Variants in RTL4 observed in about 807,000 individuals in gnomAD.
RTL4 encodes the protein retrotransposon Gag like 4.
In RTL4, 4 loss-of-function variants were observed where a neutral mutation model predicts 5.3. That is an observed-to-expected ratio of 0.75 (90% CI 0.37 to 1.72). The LOEUF (loss-of-function observed/expected upper bound fraction) is 1.72. RTL4 is among the 40% of genes most tolerant of loss of function. The pLI, the probability that RTL4 is intolerant of heterozygous loss-of-function variation, is 0.04. For missense variants in RTL4, 260 were observed against 227.1 expected, an observed-to-expected ratio of 1.14 and a Z score of -0.93; for synonymous variants, 98 against 87.3, an observed-to-expected ratio of 1.12 and a Z score of -0.68.
At chrX:112,176,555 T>G in the RTL4 span, among the ~76,000 whole-genome samples, 1 of 111,228 alleles carries the variant, frequency 9.0e-6, no homozygotes, top group East Asian at 2.8e-4. Flanking sequence ...CTAGACTTCT[T>G]TTTTTAAATT....
At chrX:112,181,846 C>A in the RTL4 span, among the ~76,000 whole-genome samples, 3 of 111,990 alleles carry the variant, frequency 2.7e-5, no homozygotes, top group South Asian at 3.7e-4. Context: ...GGAGAGACTG[C>A]CTCCTCAAGT....
At chrX:112,284,985 G>A in the RTL4 span, among the ~76,000 whole-genome samples, 2 of 111,863 alleles carry the variant, frequency 1.8e-5, no homozygotes, top group Non-Finnish European at 3.8e-5. Context: ...CTCCTGGTTT[G>A]TCATTGTTCT....
the RTL4 span, among the ~76,000 whole-genome samples, chrX:112,279,333 G>A: frequency 0.05 from 5,501 of 110,915 alleles, 316 homozygotes; most frequent in African/African-American, 0.17. Context: ...TTTGGGATGC[G>A]GTAGGGTAAG....
At chrX:112,402,430 G>GTT in the RTL4 span, among the ~76,000 whole-genome samples, 2 of 108,982 alleles carry the variant, frequency 1.8e-5, no homozygotes, top group Admixed American at 2.0e-4. Flanking sequence ...GTGTGTGTGT[G>GTT]TGTGTGTGTG....
At chrX:112,243,286 T>A in the RTL4 span, among the ~76,000 whole-genome samples, 46,479 of 109,987 alleles carry the variant, frequency 0.42, 8,828 homozygotes, top group East Asian at 0.83. Context: ...AGCTCCTCTT[T>A]GTACCTCTGG....
chrX:112,199,400 A>T, the RTL4 span, among the ~76,000 whole-genome samples: 2 of 111,095 alleles, frequency 1.8e-5, no homozygotes, highest in African/African-American at 6.6e-5. Flanking sequence ...GTATTGAGGT[A>T]AGATTCAAGA....
the RTL4 span, among the ~76,000 whole-genome samples, chrX:112,204,573 G>A: frequency 2.7e-5 from 3 of 111,791 alleles, no homozygotes; most frequent in South Asian, 1.1e-3. Context: ...GGTGCAGAAA[G>A]ACAAACATCT....
the RTL4 span, among the ~76,000 whole-genome samples, chrX:112,121,303 G>A: frequency 1.8e-4 from 20 of 111,224 alleles, no homozygotes; most frequent in African/African-American, 5.5e-4. Context: ...AAAAATTTAG[G>A]AATGAATAAA....
chrX:112,381,824 C>T, the RTL4 span: 1 of 1,208,689 alleles, frequency 8.3e-7, no homozygotes, highest in Non-Finnish European at 1.1e-6. Context: ...AGTACAGGCT[C>T]AGCTCCTCCA....
chrX:112,107,393 C>CT, the RTL4 span, among the ~76,000 whole-genome samples: 3 of 112,038 alleles, frequency 2.7e-5, no homozygotes, highest in African/African-American at 9.7e-5. Context: ...ATTATACATA[C>CT]TTTTTTCAGC....
At chrX:112,290,319 A>C in the RTL4 span, among the ~76,000 whole-genome samples, 1 of 111,892 alleles carries the variant, frequency 8.9e-6, no homozygotes, top group Non-Finnish European at 1.9e-5. Context: ...CCATCAGCAC[A>C]GGGTGAAATA....
At chrX:112,083,241 C>A in the RTL4 span, among the ~76,000 whole-genome samples, 1 of 112,573 alleles carries the variant, frequency 8.9e-6, no homozygotes, top group Admixed American at 9.3e-5. Context: ...AGGAGTCCCT[C>A]GGAGCATATG....
the RTL4 span, among the ~76,000 whole-genome samples, chrX:112,182,655 ATATGGGAC>A: frequency 8.9e-6 from 1 of 112,171 alleles, no homozygotes; most frequent in East Asian, 2.8e-4. Flanking sequence ...CCTTCAGGAA[ATATGGGAC>A]TATGTGAAAA....
chrX:112,417,599 G>A, the RTL4 span, among the ~76,000 whole-genome samples: 1 of 111,372 alleles, frequency 9.0e-6, no homozygotes, highest in African/African-American at 3.3e-5. Flanking sequence ...TTGGGACTAC[G>A]TTCCAACATG....
At chrX:112,161,788 T>TCTTCCTTCCTTCCTTCCTTC in the RTL4 span, among the ~76,000 whole-genome samples, 1 of 75,458 alleles carries the variant, frequency 1.3e-5, no homozygotes, top group African/African-American at 5.0e-5. Context: ...AGGTTGCTTT[T>TCTTCCTTCCTTCCTTCCTTC]CTTCCTTCCT....
chrX:112,356,448 C>CA, the RTL4 span, among the ~76,000 whole-genome samples: 6 of 110,833 alleles, frequency 5.4e-5, no homozygotes, highest in Non-Finnish European at 7.6e-5. Context: ...GTTCAAATCA[C>CA]AAAAAACGAT....
upstream of RTL4, among the ~76,000 whole-genome samples, chrX:112,452,257 ATTTT>A (rs760522980): frequency 3.1e-5 from 2 of 65,433 alleles, no homozygotes. Flanking sequence ...CGCGCAGCTA[ATTTT>A]TTTTTTTTTT....
chrX:112,433,293 A>G, the RTL4 span, among the ~76,000 whole-genome samples: 44 of 100,998 alleles, frequency 4.4e-4, 1 homozygote, highest in Non-Finnish European at 8.4e-4. Flanking sequence ...CTTGATGGGG[A>G]TGGCATTGAA....
the RTL4 span, among the ~76,000 whole-genome samples, chrX:112,350,652 G>A: frequency 1.0e-3 from 112 of 111,377 alleles, no homozygotes; most frequent in East Asian, 0.01. Context: ...GTTTATTTGC[G>A]TAGAGGTGTT....
Sources: allele counts gnomAD v4.1 joint callset (sites outside exome capture counted in the v4.1 genomes callset), GRCh38; gene constraint gnomAD v4.1.1; transcripts MANE v1.5; gene names NCBI Gene and HGNC (gene_info 2026-07-23, HGNC 2026-07-21).